The following FOXN3 variants were observed in gnomAD, a reference collection of about 807,000 sequenced individuals.
FOXN3 encodes forkhead box N3, also known as forkhead box protein N3.
A neutral mutation model predicts 38.4 loss-of-function variants in FOXN3; 7 were observed. The observed-to-expected ratio is 0.18, with a 90% CI of 0.10 to 0.34. The LOEUF is 0.34. FOXN3 is among the 10% of genes least tolerant of loss of function. The probability of loss-of-function intolerance (pLI) is 1.00; values close to 1 mark genes in which losing one functional copy is unlikely to be tolerated. For synonymous variants in FOXN3, 230 were observed against 242.2 expected, an observed-to-expected ratio of 0.95 and a Z score of 0.47; for missense variants, 456 against 613.4, an observed-to-expected ratio of 0.74 and a Z score of 2.71.
chr14:89,230,832 C>T (rs923758083), intron 4 of FOXN3: 6 of 455,676 alleles, frequency 1.3e-5, no homozygotes, highest in African/African-American at 1.0e-4. Flanking sequence ...CAGTGTTCAG[C>T]CTTGTTTCTC....
intron 1 of FOXN3, among the ~76,000 whole-genome samples, chr14:89,582,616 A>G (rs1040258856): frequency 6.6e-6 from 1 of 151,428 alleles, no homozygotes; most frequent in Non-Finnish European, 1.5e-5. Context: ...CAGCCTCCCG[A>G]GTAGCAAACT....
chr14:89,303,180 T>C (rs990737678), intron 3 of FOXN3, among the ~76,000 whole-genome samples: 2 of 152,172 alleles, frequency 1.3e-5, no homozygotes, highest in Non-Finnish European at 2.9e-5. Flanking sequence ...TCATGGTCCC[T>C]TGGAGACACC....
chr14:89,513,744 A>G (rs1268557113), intron 1 of FOXN3, among the ~76,000 whole-genome samples: 1 of 151,706 alleles, frequency 6.6e-6, no homozygotes, highest in Non-Finnish European at 1.5e-5. Flanking sequence ...ACAGGCATGC[A>G]CCACCACATC....
intron 4 of FOXN3, among the ~76,000 whole-genome samples, chr14:89,193,667 T>A (rs1888023881): frequency 6.6e-6 from 1 of 152,216 alleles, no homozygotes; most frequent in Admixed American, 6.5e-5. Context: ...GTTTCCAGTT[T>A]GGGATATGAT....
At chr14:89,305,353 A>G (rs75513723) in intron 3 of FOXN3, among the ~76,000 whole-genome samples, 2 of 152,376 alleles carry the variant, frequency 1.3e-5, no homozygotes, top group African/African-American at 2.4e-5. Flanking sequence ...GGACGCCTCT[A>G]TGACATCACT....
At chr14:89,416,428 G>A (rs75342496) in intron 1 of FOXN3, among the ~76,000 whole-genome samples, 24 of 152,050 alleles carry the variant, frequency 1.6e-4, no homozygotes, top group African/African-American at 5.6e-4. Context: ...ACAGGGCCGG[G>A]ATGAGGGGGG....
At chr14:89,247,364 T>G (rs1885329185) in intron 4 of FOXN3, among the ~76,000 whole-genome samples, 1 of 152,144 alleles carries the variant, frequency 6.6e-6, no homozygotes, top group African/African-American at 2.4e-5. Context: ...CCAATAAAAC[T>G]GGGTTGCTAG....
At chr14:89,211,748 C>T (rs772058858) in intron 4 of FOXN3, among the ~76,000 whole-genome samples, 11 of 152,160 alleles carry the variant, frequency 7.2e-5, no homozygotes, top group African/African-American at 1.4e-4. Flanking sequence ...CAGAACAGAA[C>T]GAAATTCTCT....
At chr14:89,538,122 A>T (rs1449251738) in intron 1 of FOXN3, among the ~76,000 whole-genome samples, 2 of 152,200 alleles carry the variant, frequency 1.3e-5, no homozygotes, top group Non-Finnish European at 2.9e-5. Context: ...TCTCACTGTC[A>T]CCCAAAGAGG....
rs912121179 is a variant in FOXN3 at position 89,525,489 on chromosome 14, A to T, written c.-15+93539T>A. Among the ~76,000 whole-genome samples the T allele has an allele frequency of 3.9e-5, 6 of 152,164 alleles. No individual in the cohort carries two copies. The South Asian group carries it at 1.2e-3, about 31-fold the overall frequency. On this transcript the variant is annotated intron_variant, in intron 1 of 6. Coordinates refer to the FOXN3 transcript ENST00000345097. ...GAACTGTCCACCCCTTTCCCAGAAAACCCATGTATAATTCACCCCTTATTT... is the reference window on the plus strand; with the variant it reads ...GAACTGTCCACCCCTTTCCCAGAAATCCCATGTATAATTCACCCCTTATTT...
chr14:89,230,756 AATAG>A, intron 4 of FOXN3: 3 of 395,400 alleles, frequency 7.6e-6, no homozygotes, highest in South Asian at 5.2e-5. Context: ...TTATTAAATA[AATAG>A]ATAAACAAAC....
intron 1 of FOXN3, among the ~76,000 whole-genome samples, chr14:89,552,998 G>A (rs1895037074): frequency 6.6e-6 from 1 of 152,076 alleles, no homozygotes; most frequent in African/African-American, 2.4e-5. Context: ...AGACACTTTG[G>A]GAGGTCAAGG....
intron 4 of FOXN3, among the ~76,000 whole-genome samples, chr14:89,220,159 GC>G (rs2139841550): frequency 6.6e-6 from 1 of 152,258 alleles, no homozygotes; most frequent in South Asian, 2.1e-4. Flanking sequence ...TCCCAGAGAA[GC>G]CACATGCTTT....
At chr14:89,466,993 C>A (rs1253166289) in intron 1 of FOXN3, among the ~76,000 whole-genome samples, 1 of 152,230 alleles carries the variant, frequency 6.6e-6, no homozygotes, top group Non-Finnish European at 1.5e-5. Context: ...CAGCGCCTGA[C>A]ACAAAAGCAG....
At chr14:89,235,686 A>C (rs984379751) in intron 4 of FOXN3, among the ~76,000 whole-genome samples, 5 of 152,168 alleles carry the variant, frequency 3.3e-5, no homozygotes, top group Non-Finnish European at 7.4e-5. Context: ...GGCCCAGTGT[A>C]ATCACAAAGG....
intron 4 of FOXN3, among the ~76,000 whole-genome samples, chr14:89,185,345 GCT>G (rs1887776527): frequency 6.6e-6 from 1 of 152,138 alleles, no homozygotes; most frequent in African/African-American, 2.4e-5. Flanking sequence ...GTCTAAAATG[GCT>G]CTGTTAGAGA....
intron 2 of FOXN3, among the ~76,000 whole-genome samples, chr14:89,378,923 T>C (rs149529197): frequency 0.021 from 3,137 of 152,212 alleles, 120 homozygotes; most frequent in African/African-American, 0.07. Flanking sequence ...GGCAGGCTGG[T>C]CTCAATCCCT....
Position 89,436,976 on chromosome 14 carries a change from G to A in FOXN3, c.-14-24486C>T, listed in dbSNP as rs141601762. Reference sequence around the variant, plus strand: ...AGCCTGGCCAACATGGTGAAACCCCGTCTCTACTAAAAATACAAAAATTAG... The same window carrying A: ...AGCCTGGCCAACATGGTGAAACCCCATCTCTACTAAAAATACAAAAATTAG... On this transcript the variant is annotated intron_variant, in intron 1 of 6. Transcript: ENST00000345097. Among the ~76,000 whole-genome samples, 228 of 152,046 alleles carry A rather than the reference G, an allele frequency of 1.5e-3. 2 individuals are homozygous for A. The highest frequency in any genetic ancestry group is 5.6e-3 in the Admixed American group (85 of 15,276).
Position 89,492,963 on chromosome 14 carries a change from G to A in FOXN3, c.-14-80473C>T, listed in dbSNP as rs548296017. 3.9e-5 allele frequency among the ~76,000 whole-genome samples: 6 copies of A among 152,242 alleles called. No homozygotes were observed. In the East Asian group the frequency reaches 9.6e-4, roughly 24 times the overall value. Reference sequence around the variant, plus strand: ...GCGTGGGTGCTCAGAAACTCCGAGCGCCTCAGAGGTATTCTCTTAACATCT... The same window carrying A: ...GCGTGGGTGCTCAGAAACTCCGAGCACCTCAGAGGTATTCTCTTAACATCT... On this transcript the variant is annotated intron_variant, in intron 1 of 6. Transcript: ENST00000345097.
Sources: allele counts gnomAD v4.1 joint callset (sites outside exome capture counted in the v4.1 genomes callset), GRCh38; gene constraint gnomAD v4.1.1; transcripts MANE v1.5; gene names NCBI Gene and HGNC (gene_info 2026-07-23, HGNC 2026-07-21).